BANP: variants seen among roughly 807,000 people sequenced by gnomAD.
The protein encoded by BANP is BTG3 associated nuclear protein, also known as protein BANP.
In BANP, 11 loss-of-function variants were observed where a neutral mutation model predicts 68.1. The observed-to-expected ratio is 0.16, with a 90% CI of 0.10 to 0.27. The LOEUF is 0.27. BANP is among the 10% of genes least tolerant of loss of function. BANP has a pLI of 1.00. For missense variants in BANP, 504 were observed against 722.7 expected (o/e 0.70, Z 3.47); for synonymous variants, 329 against 303.2 (o/e 1.09, Z -0.88).
At position 88,057,890 on chromosome 16, in the gene BANP, C is replaced by T. The variant is rs1159729462; in HGVS notation, c.1312-7377C>T. 6.6e-6 allele frequency among the ~76,000 whole-genome samples: 1 copy of T among 152,044 alleles called. No individual in the cohort carries two copies. The highest frequency in any genetic ancestry group is 6.5e-5 in the Admixed American group (1 of 15,270). The stretch of plus-strand genomic sequence containing the variant: ...CGAGCACTTTCCGGACAGTGCGGTG[C>T]GGGGCAGCGAGTGGCCGCCTGTGTT... On this transcript the variant is annotated intron_variant, in intron 11 of 13. Coordinates refer to ENST00000682872, the MANE Select transcript of BANP (RefSeq NM_001386991.1). This position sits in a 1 kb window ranked among gnomAD's most constrained non-coding sequence, Gnocchi z 4.6.
chr16:88,050,783 G>A (rs1423822082), intron 11 of BANP, among the ~76,000 whole-genome samples: 1 of 152,170 alleles, frequency 6.6e-6, no homozygotes, highest in Non-Finnish European at 1.5e-5. Context: ...CTGCCTCCAG[G>A]TTCAAGCAAT....
At chr16:87,975,281 A>G in intron 2 of BANP, 96 bp downstream of exon 2, 1 of 1,223,038 alleles carries the variant, frequency 8.2e-7, no homozygotes, top group Non-Finnish European at 1.2e-6. Context: ...AAGCAGAAGA[A>G]AAAGTAATGC....
intron 1 of BANP, among the ~76,000 whole-genome samples, chr16:87,966,096 T>G (rs1385670029): frequency 2.0e-5 from 3 of 152,236 alleles, no homozygotes; most frequent in Non-Finnish European, 4.4e-5. Context: ...TTGTATGCCT[T>G]CCTTTTGCTA....
Position 87,962,239 on chromosome 16 carries a change from CA to C in BANP, c.-69+10741del, listed in dbSNP as rs10660621. On this transcript the variant is annotated intron_variant, in intron 1 of 13. Coordinates refer to ENST00000682872, the MANE Select transcript of BANP (RefSeq NM_001386991.1). ...TGGGCTACAGAGCGAGACTTGGTCT[CA>C]AAAAAAAAAAAAAAAAGAAAGCACA... Among the ~76,000 whole-genome samples, 98 of 79,752 alleles carry C rather than the reference CA, an allele frequency of 1.2e-3. 2 individuals are homozygous for C. In the East Asian group the frequency reaches 0.013, roughly 10 times the overall value. The allele number at this position is 79,752 out of a possible 152,430, so 52.3% of individuals were successfully genotyped here.
In BANP at chr16:88,036,610, G is replaced by T. The variant is rs2079426617; in HGVS notation, c.1272+1216G>T. ...CTGAGAGGGGAGCACATGCGTAAGGGTTCTGAGGGCGGAATGAGGATGAGG... is the reference window on the plus strand; with the variant it reads ...CTGAGAGGGGAGCACATGCGTAAGGTTTCTGAGGGCGGAATGAGGATGAGG... On this transcript the variant is annotated intron_variant, in intron 10 of 13. Coordinates refer to ENST00000682872, the MANE Select transcript of BANP (RefSeq NM_001386991.1). This position sits in a 1 kb window ranked among gnomAD's most constrained non-coding sequence, Gnocchi z 4.2. Among the ~76,000 whole-genome samples the T allele has an allele frequency of 6.6e-6, 1 of 152,170 alleles. No homozygotes were observed. Among genetic ancestry groups the T allele is most frequent in the Non-Finnish European group, 1.5e-5 (1 of 68,030 alleles).
intron 11 of BANP, among the ~76,000 whole-genome samples, chr16:88,059,836 G>A (rs554435928): frequency 3.3e-5 from 5 of 152,274 alleles, no homozygotes; most frequent in African/African-American, 9.6e-5. Context: ...TGGACATCCC[G>A]CTGAGTGCGC....
chr16:87,998,347 C>G (rs1190650254), intron 4 of BANP, among the ~76,000 whole-genome samples: 1 of 152,226 alleles, frequency 6.6e-6, no homozygotes, highest in Non-Finnish European at 1.5e-5. Context: ...GGGACTTTGG[C>G]CTCAGACCTA....
intron 11 of BANP, among the ~76,000 whole-genome samples, chr16:88,062,922 C>T (rs1376918044): frequency 6.6e-6 from 1 of 152,222 alleles, no homozygotes; most frequent in Non-Finnish European, 1.5e-5. Flanking sequence ...CCAGGGCGCT[C>T]ATCTTGGGGC....
At chr16:88,069,117 C>T (rs2089624957) in intron 12 of BANP, among the ~76,000 whole-genome samples, 1 of 152,176 alleles carries the variant, frequency 6.6e-6, no homozygotes, top group Non-Finnish European at 1.5e-5. Context: ...GTGTTCTCAT[C>T]GTCAGGCTGG....
intron 12 of BANP, among the ~76,000 whole-genome samples, chr16:88,066,379 C>A (rs1164478784): frequency 6.6e-6 from 1 of 152,230 alleles, no homozygotes; most frequent in African/African-American, 2.4e-5. Context: ...TGTCGTTTCT[C>A]TCTGTGGCGC....
intron 9 of BANP, among the ~76,000 whole-genome samples, chr16:88,033,596 C>T (rs2078677140): frequency 6.6e-6 from 1 of 152,216 alleles, no homozygotes; most frequent in African/African-American, 2.4e-5. Flanking sequence ...GGAAATATTT[C>T]TCAGTTCAGA....
chr16:87,985,936 T>C lies in BANP; in HGVS notation c.362+1677T>C, dbSNP rs574583707. Among the ~76,000 whole-genome samples the C allele has an allele frequency of 1.0e-3, 159 of 152,338 alleles. 1 individual carries two copies. Among genetic ancestry groups the C allele is most frequent in the Admixed American group, 2.3e-3 (35 of 15,306 alleles). ...TGTGCAAAAATGTTTTGTGTGTAAA[T>C]GTTGAATAGAGTAAGATTCTGAGTT... is the stretch of plus-strand genomic sequence containing the variant. On this transcript the variant is annotated intron_variant, in intron 4 of 13. Transcript: ENST00000682872.
upstream of BANP, among the ~76,000 whole-genome samples, chr16:87,950,099 G>A (rs1489145286): frequency 3.3e-5 from 5 of 151,990 alleles, no homozygotes; most frequent in South Asian, 8.3e-4. Flanking sequence ...GGATGGTCTC[G>A]ATCTCCTGAC....
At chr16:87,956,535 A>C (rs138752572) in intron 1 of BANP, 1 of 152,304 alleles carries the variant, frequency 6.6e-6, no homozygotes, top group East Asian at 1.9e-4. Context: ...CACACTTGCA[A>C]TTTGCTCTGA....
intron 4 of BANP, among the ~76,000 whole-genome samples, chr16:87,991,076 A>T (rs904790181): frequency 6.6e-6 from 1 of 152,226 alleles, no homozygotes; most frequent in African/African-American, 2.4e-5. Context: ...GCATACTTTA[A>T]GTGACCTAAT....
intron 6 of BANP, among the ~76,000 whole-genome samples, chr16:88,007,596 G>T (rs1406180467): frequency 6.6e-6 from 1 of 152,252 alleles, no homozygotes; most frequent in African/African-American, 2.4e-5. Context: ...TGTGCGTGGA[G>T]TTGTAAAGCA....
At chr16:88,042,055 A>G (rs2152785284) in intron 11 of BANP, among the ~76,000 whole-genome samples, 1 of 152,344 alleles carries the variant, frequency 6.6e-6, no homozygotes, top group South Asian at 2.1e-4. Flanking sequence ...CACCTGCACC[A>G]AGGCCTCAGG....
Position 88,030,729 on chromosome 16 carries a change from C to T in BANP, c.1064-2380C>T, listed in dbSNP as rs550221349. Among the ~76,000 whole-genome samples, 14 of 152,284 alleles carry T rather than the reference C, an allele frequency of 9.2e-5. 1 individual carries two copies. The highest frequency in any genetic ancestry group is 3.9e-4 in the Admixed American group (6 of 15,298). ...GTGTTTTGCTGGCTGCGCTGGTAGG[C>T]AGGAGCTTCCTCGGAGCCCTTGTGG... On this transcript the variant is annotated intron_variant, in intron 8 of 13. Coordinates refer to ENST00000682872, the MANE Select transcript of BANP (RefSeq NM_001386991.1).
chr16:87,981,941 A>T (rs1023259552), intron 3 of BANP, among the ~76,000 whole-genome samples: 4 of 152,262 alleles, frequency 2.6e-5, no homozygotes, highest in African/African-American at 4.8e-5. Flanking sequence ...TGAGAAGGTT[A>T]TGAGAGCAAC....
Sources: allele counts gnomAD v4.1 joint callset (sites outside exome capture counted in the v4.1 genomes callset), GRCh38; gene constraint gnomAD v4.1.1; non-coding constraint Gnocchi (gnomAD v3.1); transcripts MANE v1.5; gene names NCBI Gene and HGNC (gene_info 2026-07-23, HGNC 2026-07-21).